The following DERA variants were observed in gnomAD, a reference collection of about 807,000 sequenced individuals.
DERA encodes the protein 2-deoxy-D-ribose 5-phosphate aldolase.
In DERA, 15 loss-of-function variants were observed where a neutral mutation model predicts 41.1. The ratio of observed to expected loss-of-function variants is 0.37; its 90% CI spans 0.24 to 0.56. The LOEUF (loss-of-function observed/expected upper bound fraction) is 0.56, where lower values mean the gene tolerates loss of function less well. Ranked by LOEUF, DERA falls within the 20% of genes least tolerant of loss-of-function variation. The pLI is 0.81. For missense variants in DERA, 396 were observed against 403.4 expected, an observed-to-expected ratio of 0.98 and a Z score of 0.16; for synonymous variants, 139 against 137.4, an observed-to-expected ratio of 1.01 and a Z score of -0.08.
At chr12:15,971,899 A>G in intron 5 of DERA, 2 of 330,714 alleles carry the variant, frequency 6.0e-6, no homozygotes, top group South Asian at 3.2e-5. Flanking sequence ...GTCAATCTTC[A>G]GTGAGGGCAG....
Position 15,951,899 on chromosome 12 carries a change from CT to C in DERA, c.32-5026del, listed in dbSNP as rs912052453. Among the ~76,000 whole-genome samples the C allele has an allele frequency of 9.9e-4, 145 of 146,510 alleles. 1 individual carries two copies. Among genetic ancestry groups the C allele is most frequent in the African/African-American group, 1.1e-3 (46 of 40,220 alleles). On this transcript the variant is annotated intron_variant, in intron 1 of 8. Transcript: ENST00000428559. ...ACAGTACTTACTGATGTACCTCGTT[CT>C]TTTTTTTTTTCTTTTTTTTGAGACG...
In DERA at chr12:15,940,337, TTTTTA is replaced by T. The variant is rs1184182679; in HGVS notation, c.32-16586_32-16582del. On this transcript the variant is annotated intron_variant, in intron 1 of 8. Transcript: ENST00000428559. This position sits in a 1 kb window ranked among gnomAD's most constrained non-coding sequence, Gnocchi z 5.1. Reference sequence around the variant, plus strand: ...CAACTTAATAACTACTGCTTTCCTTTTTTTATTTTATTTTATTATTATTTTTTTAT... The same window carrying T: ...CAACTTAATAACTACTGCTTTCCTTTTTTTATTTTATTATTATTTTTTTAT... 6.6e-6 allele frequency among the ~76,000 whole-genome samples: 1 copy of T among 152,100 alleles called. No individual in the cohort carries two copies. The highest frequency in any genetic ancestry group is 1.5e-5 in the Non-Finnish European group (1 of 68,012).
chr12:15,920,252 A>G (rs1309781221), intron 1 of DERA, among the ~76,000 whole-genome samples: 1 of 152,142 alleles, frequency 6.6e-6, no homozygotes, highest in African/African-American at 2.4e-5. Flanking sequence ...TTTTCATGTC[A>G]TGGAATTTCC....
chr12:15,936,527 A>G lies in DERA; in HGVS notation c.32-20409A>G, dbSNP rs1229824153. Among the ~76,000 whole-genome samples the G allele has an allele frequency of 6.6e-6, 1 of 152,232 alleles. No individual in the cohort carries two copies. The highest frequency in any genetic ancestry group is 1.5e-5 in the Non-Finnish European group (1 of 68,034). ...AAGTTTGCACTTTAAAGAAATTAAT[A>G]TATTTTCTTACAGTACCATAACATC... is the stretch of plus-strand genomic sequence containing the variant. On this transcript the variant is annotated intron_variant, in intron 1 of 8. Coordinates refer to ENST00000428559, the MANE Select transcript of DERA (RefSeq NM_015954.4). This position sits in a 1 kb window ranked among gnomAD's most constrained non-coding sequence, Gnocchi z 4.6.
chr12:15,917,554 A>C (rs1202143320), intron 1 of DERA, among the ~76,000 whole-genome samples: 3 of 152,192 alleles, frequency 2.0e-5, no homozygotes, highest in Non-Finnish European at 4.4e-5. Context: ...CATTTCATGG[A>C]TGAGAAAACT....
In DERA at chr12:15,924,191, G is replaced by A. The variant is rs1341908895; in HGVS notation, c.31+12777G>A. ...GCCTGTAATCCTAACTCTTTGGGATGCTGCAGTGGGAGGATCGCTTGAGCC... is the reference window on the plus strand; with the variant it reads ...GCCTGTAATCCTAACTCTTTGGGATACTGCAGTGGGAGGATCGCTTGAGCC... On this transcript the variant is annotated intron_variant, in intron 1 of 8. Coordinates refer to ENST00000428559, the MANE Select transcript of DERA (RefSeq NM_015954.4). This position sits in a 1 kb window ranked among gnomAD's most constrained non-coding sequence, Gnocchi z 5.0. 6.6e-6 allele frequency among the ~76,000 whole-genome samples: 1 copy of A among 152,172 alleles called. No homozygotes were observed. The highest frequency in any genetic ancestry group is 2.4e-5 in the African/African-American group (1 of 41,444).
Position 15,920,846 on chromosome 12 carries a change from A to AC in DERA, c.31+9440dup, listed in dbSNP as rs369973750. ...CGGAGCGAGACTCCGTCTCAAAAAT[A>AC]CCCCCCCCAAAAATACCAAATTATT... On this transcript the variant is annotated intron_variant, in intron 1 of 8. Coordinates refer to ENST00000428559, the MANE Select transcript of DERA (RefSeq NM_015954.4). Among the ~76,000 whole-genome samples the AC allele has an allele frequency of 4.6e-3, 695 of 150,982 alleles. 5 individuals carry two copies. The highest frequency in any genetic ancestry group is 0.014 in the African/African-American group (595 of 41,102).
intron 1 of DERA, among the ~76,000 whole-genome samples, chr12:15,919,970 ATGTG>A (rs10523539): frequency 9.4e-5 from 14 of 148,166 alleles, no homozygotes; most frequent in East Asian, 2.0e-4. Flanking sequence ...TGAGAAAGAA[ATGTG>A]TGTGTGTGTG....
At chr12:15,926,842 A>G (rs1043569847) in intron 1 of DERA, among the ~76,000 whole-genome samples, 1 of 152,196 alleles carries the variant, frequency 6.6e-6, no homozygotes, top group Non-Finnish European at 1.5e-5. Context: ...GCAGCTTTCA[A>G]CAACTGGAAT....
intron 4 of DERA, 178 bp from the exon 5 acceptor site, chr12:15,962,635 G>A: frequency 2.0e-6 from 1 of 508,564 alleles, no homozygotes; most frequent in East Asian, 3.1e-5. Flanking sequence ...TCACACTTAT[G>A]CATAAGTGAT....
At chr12:15,939,259 C>T (rs1177145473) in intron 1 of DERA, among the ~76,000 whole-genome samples, 9 of 152,134 alleles carry the variant, frequency 5.9e-5, no homozygotes, top group Non-Finnish European at 1.3e-4. Flanking sequence ...TTCCCAGTCC[C>T]AGCCACCATC....
chr12:15,990,597 C>T lies in DERA; in HGVS notation c.637+8161C>T, dbSNP rs985669894. On this transcript the variant is annotated intron_variant, in intron 6 of 8. Transcript: ENST00000428559. The surrounding 1 kb of genome is among the most constrained non-coding windows in gnomAD (Gnocchi z 4.3). ...TGTCGTTTTTTCTGATCCTCTTCCT[C>T]CTTCCACCCTCCAAACTCCAAAAGA... 1.3e-5 allele frequency among the ~76,000 whole-genome samples: 2 copies of T among 152,064 alleles called. No individual in the cohort carries two copies. The highest frequency in any genetic ancestry group is 6.5e-5 in the Admixed American group (1 of 15,276).
chr12:15,912,947 C>T (rs16911421), intron 1 of DERA, among the ~76,000 whole-genome samples: 1 of 152,140 alleles, frequency 6.6e-6, no homozygotes, highest in African/African-American at 2.4e-5. Context: ...ATCTCTGGAA[C>T]GTGGTCTTTA....
Position 15,952,393 on chromosome 12 carries a change from C to T in DERA, c.32-4543C>T, listed in dbSNP as rs574487288. ...TACTGATTACTTTTTTAAAATACTCCTTTAATTCTGTTACAGCCCTGTTTG... is the reference window on the plus strand; with the variant it reads ...TACTGATTACTTTTTTAAAATACTCTTTTAATTCTGTTACAGCCCTGTTTG... On this transcript the variant is annotated intron_variant, in intron 1 of 8. Coordinates refer to ENST00000428559, the MANE Select transcript of DERA (RefSeq NM_015954.4). 1.9e-3 allele frequency among the ~76,000 whole-genome samples: 288 copies of T among 152,224 alleles called. 2 individuals carry two copies. Among genetic ancestry groups the T allele is most frequent in the Middle Eastern group, 0.017 (5 of 294 alleles).
At position 15,956,940 on chromosome 12, in the gene DERA, T is replaced by A; in HGVS notation, c.36T>A (p.Leu12=). Residue 12 remains leucine (L), a synonymous_variant, in exon 2 of 9, where the codon CTT becomes CTA. Transcript: ENST00000428559. ...SAHNRGTELD[L]SWISKIQVNH... is the part of the protein sequence containing the mutation. ...GTGTTTTTCTGTCTGTTTTAGACCT[T>A]AGCTGGATCTCCAAAATACAAGTGA... 1 of 1,613,480 alleles carries A rather than the reference T, an allele frequency of 6.2e-7. No homozygotes were observed. The highest frequency in any genetic ancestry group is 8.5e-7 in the Non-Finnish European group (1 of 1,179,388).
At chr12:15,952,877 T>G (rs1202672618) in intron 1 of DERA, among the ~76,000 whole-genome samples, 1 of 152,228 alleles carries the variant, frequency 6.6e-6, no homozygotes, top group Non-Finnish European at 1.5e-5. Context: ...TGCTTTTGCT[T>G]CTGACAGCCC....
chr12:15,982,606 T>C lies in DERA; in HGVS notation c.637+170T>C, dbSNP rs1372394812. On this transcript the variant is annotated intron_variant, in intron 6 of 8. Transcript: ENST00000428559. The surrounding 1 kb of genome is among the most constrained non-coding windows in gnomAD (Gnocchi z 4.0). ...TGTTCAATGTGAAGTGGTCAAAAAC[T>C]CCTGGCTTTCTTCCACATTTTTTTT... is the stretch of plus-strand genomic sequence containing the variant. Among the ~76,000 whole-genome samples, 1 of 152,234 alleles carries C rather than the reference T, an allele frequency of 6.6e-6. No individual in the cohort carries two copies. Among genetic ancestry groups the C allele is most frequent in the Admixed American group, 6.5e-5 (1 of 15,276 alleles).
intron 6 of DERA, among the ~76,000 whole-genome samples, chr12:15,997,077 T>C (rs572992567): frequency 6.2e-4 from 95 of 152,326 alleles, no homozygotes; most frequent in Non-Finnish European, 7.1e-4. Flanking sequence ...CCTATGGGTT[T>C]TTCACTTTAT....
Position 15,976,084 on chromosome 12 carries a change from ATCTG to A in DERA, c.509-6220_509-6217del. On this transcript the variant is annotated intron_variant, in intron 5 of 8. Coordinates refer to ENST00000428559, the MANE Select transcript of DERA (RefSeq NM_015954.4). The surrounding 1 kb of genome is among the most constrained non-coding windows in gnomAD (Gnocchi z 4.1). ...TATTTATTTATATATCAGTCTATAA[ATCTG>A]TCTTAGAACTTACAACTTCACACTA... Among the ~76,000 whole-genome samples the A allele has an allele frequency of 6.6e-6, 1 of 152,304 alleles. No individual in the cohort carries two copies. The highest frequency in any genetic ancestry group is 1.5e-5 in the Non-Finnish European group (1 of 68,012).
Sources: gnomAD v4.1 joint callset for allele counts (sites outside exome capture counted in the v4.1 genomes callset) on GRCh38, gnomAD v4.1.1 for gene constraint, Gnocchi (gnomAD v3.1) non-coding constraint, MANE v1.5 for transcripts, NCBI Gene and HGNC (gene_info 2026-07-23, HGNC 2026-07-21) for gene names.